Variants in INO80D observed in about 807,000 individuals in gnomAD.
The protein encoded by INO80D is INO80 complex subunit D.
INO80D carries 21 observed loss-of-function variants against 87.6 expected under a neutral mutation model. That is an observed-to-expected ratio of 0.24 (90% confidence interval 0.17 to 0.35). The LOEUF is 0.35. Ranked by LOEUF, INO80D falls within the 10% of genes least tolerant of loss-of-function variation. The pLI, the probability that INO80D is intolerant of heterozygous loss-of-function variation, is 1.00. For synonymous variants in INO80D, 440 were observed against 491.0 expected, an observed-to-expected ratio of 0.90 and a Z score of 1.37; for missense variants, 982 against 1,280.7, an observed-to-expected ratio of 0.77 and a Z score of 3.56.
intron 1 of INO80D, among the ~76,000 whole-genome samples, chr2:206,080,869 C>A (rs1207761827): frequency 7.8e-6 from 1 of 127,906 alleles, no homozygotes; most frequent in Admixed American, 9.7e-5. Flanking sequence ...TGCCACTGCA[C>A]TCCAGCCTGG....
intron 6 of INO80D, among the ~76,000 whole-genome samples, chr2:206,025,088 A>C (rs1688568712): frequency 6.6e-6 from 1 of 151,884 alleles, no homozygotes; most frequent in African/African-American, 2.4e-5. Flanking sequence ...TTTTTCCCTC[A>C]AGTGACTTAT....
At chr2:206,012,860 C>T (rs1181451784) in intron 8 of INO80D, among the ~76,000 whole-genome samples, 1 of 120,202 alleles carries the variant, frequency 8.3e-6, no homozygotes, top group African/African-American at 3.1e-5. Context: ...CAAAGAGAGA[C>T]TTGTCTCAAA....
intron 1 of INO80D, among the ~76,000 whole-genome samples, chr2:206,064,297 A>G (rs1035550760): frequency 6.6e-6 from 1 of 152,164 alleles, no homozygotes; most frequent in Non-Finnish European, 1.5e-5. Flanking sequence ...ATATTACAAC[A>G]CCATCTAGTC....
intron 1 of INO80D, among the ~76,000 whole-genome samples, chr2:206,074,769 G>A (rs953298668): frequency 6.6e-6 from 1 of 151,954 alleles, no homozygotes; most frequent in Non-Finnish European, 1.5e-5. Flanking sequence ...GAGAAACCCA[G>A]TCTCTACTAA....
At chr2:206,046,739 TG>T (rs1347735687) in intron 4 of INO80D, 127 bp from the exon 5 acceptor site, 4 of 602,390 alleles carry the variant, frequency 6.6e-6, no homozygotes, top group Non-Finnish European at 1.2e-5. Context: ...TGTGAATAAA[TG>T]TCTCCTGATG....
chr2:206,063,375 C>T (rs1575871121), intron 1 of INO80D, 131 bp from the exon 2 acceptor site: 3 of 378,872 alleles, frequency 7.9e-6, no homozygotes, highest in South Asian at 1.2e-4. Context: ...ATCCCAATAA[C>T]GAGGTTAAAT....
intron 5 of INO80D, among the ~76,000 whole-genome samples, chr2:206,038,974 T>G (rs2105851124): frequency 6.6e-6 from 1 of 152,288 alleles, no homozygotes; most frequent in African/African-American, 2.4e-5. Flanking sequence ...AAACCAAAGA[T>G]TACCATGCAA....
chr2:205,996,129 G>A lies in INO80D; in HGVS notation c.*8239C>T, dbSNP rs1176674584. ...TTATTTGAAGGTTGGCTTTCTGTTT[G>A]TTTTTGAGACAAAGATGAATGCCCA... On this transcript the variant is annotated 3_prime_UTR_variant, in exon 11 of 11. Transcript: ENST00000403263. 1 of 151,922 alleles carries A rather than the reference G, an allele frequency of 6.6e-6. No homozygotes were observed. The highest frequency in any genetic ancestry group is 1.5e-5 in the Non-Finnish European group (1 of 67,896). The allele number at this position is 151,922 out of a possible 1,614,324, so 9.4% of individuals were successfully genotyped here.
At chr2:206,055,318 C>T (rs540097869) in intron 4 of INO80D, among the ~76,000 whole-genome samples, 4 of 152,182 alleles carry the variant, frequency 2.6e-5, no homozygotes, top group South Asian at 2.1e-4. Context: ...AACTTGGAAT[C>T]GAGGAAGTTT....
At position 206,085,089 on chromosome 2, in the gene INO80D, C is replaced by A. The variant is rs1420449039; in HGVS notation, c.-124+812G>T. Among the ~76,000 whole-genome samples the A allele has an allele frequency of 6.6e-6, 1 of 151,980 alleles. No homozygotes were observed. Among genetic ancestry groups the A allele is most frequent in the Non-Finnish European group, 1.5e-5 (1 of 67,970 alleles). Reference sequence around the variant, plus strand: ...AACTGGCAAAGAGTTTCAAAATAGCCGAGTGCGCTCCCCCACGCCCTGGGG... The same window carrying A: ...AACTGGCAAAGAGTTTCAAAATAGCAGAGTGCGCTCCCCCACGCCCTGGGG... On this transcript the variant is annotated intron_variant, in intron 1 of 10. Coordinates refer to ENST00000403263, the MANE Select transcript of INO80D (RefSeq NM_017759.5). This position sits in a 1 kb window ranked among gnomAD's most constrained non-coding sequence, Gnocchi z 4.5.
intron 4 of INO80D, among the ~76,000 whole-genome samples, chr2:206,052,431 G>A (rs1689398779): frequency 6.6e-6 from 1 of 151,976 alleles, no homozygotes; most frequent in African/African-American, 2.4e-5. Flanking sequence ...CTGATCTCGT[G>A]ATCCACCCGC....
At position 205,994,677 on chromosome 2, in the gene INO80D, T is replaced by C. The variant is rs148919869; in HGVS notation, c.*9691A>G. 3.3e-5 allele frequency: 5 copies of C among 152,294 alleles called. No homozygotes were observed. In the East Asian group the frequency reaches 9.6e-4, roughly 29 times the overall value. 9.4% of individuals were successfully genotyped at this position (152,294 alleles called of 1,614,324 possible). A position where few individuals can be genotyped will look rare whatever the true frequency, so the allele number is the denominator to read the frequency against. ...TTTGTAACATCTTACAATTTAGGAT[T>C]GTCCATCTACCTTCCTCTCTCTGCA... On this transcript the variant is annotated 3_prime_UTR_variant, in exon 11 of 11. Coordinates refer to ENST00000403263, the MANE Select transcript of INO80D (RefSeq NM_017759.5).
chr2:206,040,623 CAGG>C (rs1177872458), intron 5 of INO80D: 1 of 245,404 alleles, frequency 4.1e-6, no homozygotes, highest in African/African-American at 2.3e-5. Flanking sequence ...AGAAGATTAC[CAGG>C]AGGTCAAAGA....
In INO80D at chr2:206,004,083, A is replaced by G. The variant is rs1402421873; in HGVS notation, c.*285T>C. ...TTCTGAGGTATCTTCCACTTCTAGG[A>G]CTTGCTGCTAAAAATCAATCCTATC... On this transcript the variant is annotated 3_prime_UTR_variant, in exon 11 of 11. Coordinates refer to ENST00000403263, the MANE Select transcript of INO80D (RefSeq NM_017759.5). This position sits in a 1 kb window ranked among gnomAD's most constrained non-coding sequence, Gnocchi z 4.9. 4.2e-6 allele frequency: 2 copies of G among 472,954 alleles called. No individual in the cohort carries two copies. Among genetic ancestry groups the G allele is most frequent in the African/African-American group, 3.9e-5 (2 of 51,790 alleles). 29.3% of individuals were successfully genotyped at this position (472,954 alleles called of 1,614,324 possible).
At chr2:206,041,261 G>A (rs1689041989) in intron 5 of INO80D, among the ~76,000 whole-genome samples, 1 of 152,042 alleles carries the variant, frequency 6.6e-6, no homozygotes, top group Non-Finnish European at 1.5e-5. Flanking sequence ...CAAATAAAAA[G>A]CAGAGATTGT....
chr2:206,033,504 A>C (rs1688820587), intron 5 of INO80D, among the ~76,000 whole-genome samples: 1 of 152,218 alleles, frequency 6.6e-6, no homozygotes, highest in Admixed American at 6.5e-5. Context: ...TCAAAAACAC[A>C]ATCAAGATGG....
chr2:206,044,481 T>TAA (rs55925923), intron 5 of INO80D, among the ~76,000 whole-genome samples: 14,567 of 112,316 alleles, frequency 0.13, 1,036 homozygotes, highest in South Asian at 0.2. Context: ...AAATACCTGT[T>TAA]AAAAAAAAAA....
chr2:206,080,199 G>A (rs1690236725), intron 1 of INO80D, among the ~76,000 whole-genome samples: 1 of 152,176 alleles, frequency 6.6e-6, no homozygotes, highest in South Asian at 2.1e-4. Flanking sequence ...GAATGAACCA[G>A]CAGCTGCTCC....
intron 6 of INO80D, among the ~76,000 whole-genome samples, chr2:206,027,173 CACACAG>C (rs988333061): frequency 4.6e-5 from 7 of 152,120 alleles, no homozygotes; most frequent in African/African-American, 1.7e-4. Flanking sequence ...CACACACACA[CACACAG>C]AGAAAGACTA....
Sources: gnomAD v4.1 joint callset for allele counts (sites outside exome capture counted in the v4.1 genomes callset) on GRCh38, gnomAD v4.1.1 for gene constraint, Gnocchi (gnomAD v3.1) non-coding constraint, MANE v1.5 for transcripts, NCBI Gene and HGNC (gene_info 2026-07-23, HGNC 2026-07-21) for gene names.